PDE4B: variants seen among roughly 807,000 people sequenced by gnomAD.
PDE4B encodes phosphodiesterase 4B.
PDE4B carries 20 observed loss-of-function variants against 82.2 expected under a neutral mutation model. That is an observed-to-expected ratio of 0.24 (90% CI 0.17 to 0.35). PDE4B has a LOEUF of 0.35. PDE4B is among the 10% of genes least tolerant of loss of function. The pLI, the probability that PDE4B is intolerant of heterozygous loss-of-function variation, is 1.00. For missense variants in PDE4B, 655 were observed against 907.2 expected (o/e 0.72, Z 3.57); for synonymous variants, 320 against 318.9 (o/e 1.00, Z -0.04).
At chr1:66,035,698 G>A (rs1654024210) in intron 3 of PDE4B, among the ~76,000 whole-genome samples, 1 of 152,044 alleles carries the variant, frequency 6.6e-6, no homozygotes, top group Admixed American at 6.5e-5. Flanking sequence ...TCCATTGTGT[G>A]TGTATATATA....
intron 3 of PDE4B, among the ~76,000 whole-genome samples, chr1:66,182,169 G>T (rs1647079795): frequency 6.6e-6 from 1 of 152,080 alleles, no homozygotes; most frequent in African/African-American, 2.4e-5. Flanking sequence ...CAGAGCACTA[G>T]CTTCCTTCCT....
intron 1 of PDE4B, among the ~76,000 whole-genome samples, chr1:65,842,778 C>T (rs1195334952): frequency 6.6e-6 from 1 of 152,144 alleles, no homozygotes; most frequent in Non-Finnish European, 1.5e-5. Flanking sequence ...TCATCATATA[C>T]ATGCGTGTGT....
chr1:66,086,350 C>T (rs906376845), intron 3 of PDE4B, among the ~76,000 whole-genome samples: 8 of 152,068 alleles, frequency 5.3e-5, no homozygotes, highest in Non-Finnish European at 4.4e-5. Flanking sequence ...TATTTTGTAT[C>T]TTTTCTACCT....
intron 1 of PDE4B, among the ~76,000 whole-genome samples, chr1:65,838,899 T>C (rs2101334110): frequency 6.6e-6 from 1 of 152,258 alleles, no homozygotes; most frequent in South Asian, 2.1e-4. Flanking sequence ...AAAATGACAA[T>C]TGCAAGCACA....
chr1:65,891,242 A>G (rs1438379831), intron 1 of PDE4B, among the ~76,000 whole-genome samples: 2 of 152,224 alleles, frequency 1.3e-5, no homozygotes, highest in African/African-American at 4.8e-5. Context: ...CAGCAATCAG[A>G]TTTTGAACAT....
chr1:66,269,816 G>A (rs1466961247), intron 7 of PDE4B, among the ~76,000 whole-genome samples: 3 of 152,084 alleles, frequency 2.0e-5, no homozygotes, highest in Non-Finnish European at 4.4e-5. Flanking sequence ...CTTTATAGAA[G>A]GATTGGAGAA....
chr1:66,055,577 T>A (rs1462297016), intron 3 of PDE4B, among the ~76,000 whole-genome samples: 1 of 152,192 alleles, frequency 6.6e-6, no homozygotes, highest in East Asian at 1.9e-4. Flanking sequence ...GTATTGTAGG[T>A]CAGGAATAAG....
chr1:66,035,256 A>G (rs1381463817), intron 3 of PDE4B, among the ~76,000 whole-genome samples: 1 of 149,762 alleles, frequency 6.7e-6, no homozygotes, highest in Non-Finnish European at 1.5e-5. Context: ...ACACATGTTT[A>G]GATTGTGGAA....
chr1:66,033,203 C>T (rs1355144778), intron 3 of PDE4B, among the ~76,000 whole-genome samples: 1 of 151,904 alleles, frequency 6.6e-6, no homozygotes, highest in African/African-American at 2.4e-5. Flanking sequence ...TTTTTTAGTG[C>T]CTTCTATCCC....
At chr1:65,848,922 G>A (rs951760062) in intron 1 of PDE4B, among the ~76,000 whole-genome samples, 4 of 151,934 alleles carry the variant, frequency 2.6e-5, no homozygotes, top group African/African-American at 4.8e-5. Context: ...CCAATCAAGA[G>A]ACAGGAACCA....
At chr1:66,306,694 T>A (rs948267444) in intron 7 of PDE4B, among the ~76,000 whole-genome samples, 2 of 152,186 alleles carry the variant, frequency 1.3e-5, no homozygotes, top group African/African-American at 4.8e-5. Flanking sequence ...ATCATGATAA[T>A]GCCCAATCCC....
intron 8 of PDE4B, among the ~76,000 whole-genome samples, chr1:66,333,945 T>C (rs1366349010): frequency 1.3e-5 from 2 of 152,210 alleles, no homozygotes; most frequent in Non-Finnish European, 2.9e-5. Context: ...AAGTTCTCAA[T>C]TGAAGGTTAA....
chr1:66,308,346 T>G (rs1658430511), intron 7 of PDE4B, among the ~76,000 whole-genome samples: 2 of 152,154 alleles, frequency 1.3e-5, no homozygotes, highest in African/African-American at 4.8e-5. Context: ...CGGAAACTTA[T>G]TATTGAAGTA....
intron 3 of PDE4B, among the ~76,000 whole-genome samples, chr1:66,090,523 A>G (rs549091828): frequency 6.6e-6 from 1 of 150,886 alleles, no homozygotes; most frequent in East Asian, 1.9e-4. Context: ...CTTTGTTCTT[A>G]TAAGTGTTAT....
chr1:65,810,883 C>T (rs1023574985), intron 1 of PDE4B, among the ~76,000 whole-genome samples: 1 of 152,080 alleles, frequency 6.6e-6, no homozygotes, highest in Non-Finnish European at 1.5e-5. Context: ...CTACTAAATG[C>T]CTTTAGGATT....
intron 3 of PDE4B, among the ~76,000 whole-genome samples, chr1:66,172,855 G>A (rs1646863591): frequency 6.6e-6 from 1 of 151,932 alleles, no homozygotes. Context: ...ATGTTTAAAG[G>A]AACTTTTAAA....
chr1:66,050,168 A>T, intron 3 of PDE4B, among the ~76,000 whole-genome samples: 1 of 152,202 alleles, frequency 6.6e-6, no homozygotes, highest in Non-Finnish European at 1.5e-5. Context: ...AAACTTTAAA[A>T]TTTATTTCCA....
intron 3 of PDE4B, among the ~76,000 whole-genome samples, chr1:66,135,504 G>T (rs1224059658): frequency 6.6e-6 from 1 of 152,136 alleles, no homozygotes; most frequent in Non-Finnish European, 1.5e-5. Flanking sequence ...AGATTGACTT[G>T]GCTCTTGGAG....
chr1:66,202,546 A>G (rs1040162614), intron 3 of PDE4B, among the ~76,000 whole-genome samples: 5 of 152,218 alleles, frequency 3.3e-5, no homozygotes, highest in African/African-American at 9.6e-5. Flanking sequence ...TTGGGTGCAT[A>G]TATATTTAGG....
Sources: gnomAD v4.1 joint callset for allele counts (sites outside exome capture counted in the v4.1 genomes callset) on GRCh38, gnomAD v4.1.1 for gene constraint, MANE v1.5 for transcripts, NCBI Gene and HGNC (gene_info 2026-07-23, HGNC 2026-07-21) for gene names.